Variants in TDRD1 observed in about 807,000 individuals in gnomAD.
The protein encoded by TDRD1 is tudor domain-containing protein 1.
In TDRD1, 37 loss-of-function variants were observed where a neutral mutation model predicts 140.6. That is an observed-to-expected ratio of 0.26 (90% CI 0.20 to 0.35). TDRD1 has a LOEUF of 0.35. TDRD1 is among the 10% of genes least tolerant of loss of function. The pLI, the probability that TDRD1 is intolerant of heterozygous loss-of-function variation, is 1.00. For synonymous variants in TDRD1, 506 were observed against 475.7 expected, an observed-to-expected ratio of 1.06 and a Z score of -0.83; for missense variants, 1,243 against 1,393.0, an observed-to-expected ratio of 0.89 and a Z score of 1.71.
At chr10:114,210,584 A>G in exon 12 of TDRD1, 1 of 1,588,200 alleles carries the variant, frequency 6.3e-7, no homozygotes, top group Non-Finnish European at 8.6e-7. Context: ...TGATAAGGTG[A>G]TCCTGAAGAT....
chr10:114,213,022 C>G (rs1407511732), intron 14 of TDRD1, among the ~76,000 whole-genome samples: 1 of 152,098 alleles, frequency 6.6e-6, no homozygotes, highest in Non-Finnish European at 1.5e-5. Context: ...AATGGAATTA[C>G]GTGGTTTTTG....
At chr10:114,227,024 C>A in intron 22 of TDRD1, 48 bp from the exon 23 acceptor site, 1 of 969,734 alleles carries the variant, frequency 1.0e-6, no homozygotes, top group Non-Finnish European at 1.5e-6. Flanking sequence ...TATCTAAATT[C>A]TGTCTTTTTA....
Position 114,204,699 on chromosome 10 carries a change from GTAAC to G in TDRD1, c.1126-22_1126-19del. ...CATTTTTAAATGGTAATTTTTGTAA[GTAAC>G]CTGCGTAAAATTTTTCAGGCCATAA... On this transcript the variant is annotated intron_variant, in intron 9 of 25. Transcript: ENST00000251864. 3 of 1,566,090 alleles carry G rather than the reference GTAAC, an allele frequency of 1.9e-6. No homozygotes were observed. Among genetic ancestry groups the G allele is most frequent in the Non-Finnish European group, 2.6e-6 (3 of 1,166,454 alleles).
At chr10:114,186,128 C>T (rs1256205887) in intron 1 of TDRD1, among the ~76,000 whole-genome samples, 3 of 151,930 alleles carry the variant, frequency 2.0e-5, no homozygotes, top group Non-Finnish European at 4.4e-5. Context: ...ATTAAGATTT[C>T]CTGTGATTTT....
In TDRD1 at chr10:114,204,814, G is replaced by C. The variant is rs1333121488; in HGVS notation, c.1218G>C (p.Gln406His). ...CTACTAAACCACTGTTAATGGAGCA[G>C]TACTGCTCCATAAAGATTGTCGACA... Residue 406 changes from glutamine to histidine, a missense_variant, in exon 10 of 26, where the codon CAG (glutamine) becomes CAC (histidine). Physicochemically the swap from Gln to His is conservative, Grantham distance 24. Transcript: ENST00000251864. 3 of 1,603,666 alleles carry C rather than the reference G, an allele frequency of 1.9e-6. No individual in the cohort carries two copies. The African/African-American group carries it at 4.0e-5, about 22-fold the overall frequency.
chr10:114,228,794 C>A, intron 25 of TDRD1: 3 of 985,306 alleles, frequency 3.0e-6, no homozygotes, highest in Non-Finnish European at 3.6e-6. Context: ...ATTAGAACTT[C>A]TGATCAGGGC....
At chr10:114,213,098 A>T (rs2035592077) in intron 14 of TDRD1, among the ~76,000 whole-genome samples, 1 of 152,074 alleles carries the variant, frequency 6.6e-6, no homozygotes, top group South Asian at 2.1e-4. Flanking sequence ...TAGAGATGTG[A>T]GTCTGGCCAT....
At chr10:114,206,421 A>C in intron 11 of TDRD1, 91 bp downstream of exon 11, 1 of 942,176 alleles carries the variant, frequency 1.1e-6, no homozygotes, top group East Asian at 2.6e-5. Flanking sequence ...AGCACTGTTA[A>C]GACTTGTTAA....
At chr10:114,219,578 C>G (rs1589707938) in intron 18 of TDRD1, among the ~76,000 whole-genome samples, 2 of 146,952 alleles carry the variant, frequency 1.4e-5, no homozygotes, top group South Asian at 2.1e-4. Context: ...GATTATTGTT[C>G]TTTTTTTAAT....
intron 2 of TDRD1, among the ~76,000 whole-genome samples, chr10:114,190,352 G>T (rs1050352088): frequency 1.3e-5 from 2 of 152,170 alleles, no homozygotes; most frequent in African/African-American, 2.4e-5. Context: ...CAAAAGCTGT[G>T]TAGGGTCCTC....
At chr10:114,221,801 G>T (rs965936103) in intron 20 of TDRD1, among the ~76,000 whole-genome samples, 4 of 152,194 alleles carry the variant, frequency 2.6e-5, no homozygotes, top group Non-Finnish European at 5.9e-5. Context: ...TATATCGAAA[G>T]ACTTTGTAAT....
intron 21 of TDRD1, among the ~76,000 whole-genome samples, chr10:114,224,534 T>A (rs965003581): frequency 1.3e-5 from 2 of 152,204 alleles, no homozygotes; most frequent in Non-Finnish European, 2.9e-5. Context: ...GCTTCAAGTC[T>A]TCTAATGCTG....
rs563621678 is a variant in TDRD1, at chr10:114,191,657, C to T, written c.384+638C>T. 5.9e-5 allele frequency among the ~76,000 whole-genome samples: 9 copies of T among 152,216 alleles called. No individual in the cohort carries two copies. The South Asian group carries it at 1.2e-3, about 21-fold the overall frequency. On this transcript the variant is annotated intron_variant, in intron 3 of 25. Transcript: ENST00000251864. ...CACCTGGGTTGTTTCCACTTTTTGG[C>T]GTTAAAACTAAAACTCTATATCCAT... is the stretch of plus-strand genomic sequence containing the variant.
At chr10:114,219,571 T>C (rs1029449015) in intron 18 of TDRD1, among the ~76,000 whole-genome samples, 1 of 151,360 alleles carries the variant, frequency 6.6e-6, no homozygotes, top group Non-Finnish European at 1.5e-5. Flanking sequence ...TATTTCAGAT[T>C]ATTGTTCTTT....
rs139746933 is a variant in TDRD1, at chr10:114,224,100, A to G, written c.3007+1397A>G. Among the ~76,000 whole-genome samples the G allele has an allele frequency of 4.5e-3, 685 of 152,332 alleles. 4 individuals are homozygous for G. Among genetic ancestry groups the G allele is most frequent in the Non-Finnish European group, 6.7e-3 (457 of 68,038 alleles). On this transcript the variant is annotated intron_variant, in intron 21 of 25. Coordinates refer to ENST00000251864, the Ensembl canonical transcript of TDRD1. ...AGTATTTGGGTGGATCCTGTCCTCCAGAAGCTGAGAAAAGGTGCATGTAAG... is the reference window on the plus strand; with the variant it reads ...AGTATTTGGGTGGATCCTGTCCTCCGGAAGCTGAGAAAAGGTGCATGTAAG...
chr10:114,222,952 G>A (rs1012120276), intron 21 of TDRD1, among the ~76,000 whole-genome samples: 4 of 152,098 alleles, frequency 2.6e-5, no homozygotes, highest in African/African-American at 9.7e-5. Context: ...TAACCAGCTC[G>A]AGATAACCAC....
chr10:114,176,305 C>T (rs556619620), upstream of TDRD1, among the ~76,000 whole-genome samples: 1 of 151,588 alleles, frequency 6.6e-6, no homozygotes, highest in African/African-American at 2.4e-5. The surrounding 1 kb of genome is among the most constrained non-coding windows in gnomAD (Gnocchi z 4.2). Flanking sequence ...AAAAAAAAAC[C>T]CTGCAGTTAC....
exon 23 of TDRD1, chr10:114,227,076 A>C (rs1397164994): frequency 6.8e-7 from 1 of 1,476,876 alleles, no homozygotes; most frequent in Non-Finnish European, 9.4e-7. Context: ...TTCCAGGATT[A>C]ATGGAATTGA....
exon 9 of TDRD1, chr10:114,204,105 T>A: frequency 1.2e-6 from 2 of 1,606,986 alleles, no homozygotes; most frequent in Non-Finnish European, 1.7e-6. Flanking sequence ...AAAACGTTGA[T>A]GTGCAGCAAA....
Sources: gnomAD v4.1 joint callset for allele counts (sites outside exome capture counted in the v4.1 genomes callset) on GRCh38, gnomAD v4.1.1 for gene constraint, Gnocchi (gnomAD v3.1) non-coding constraint, MANE v1.5 for transcripts, NCBI Gene and HGNC (gene_info 2026-07-23, HGNC 2026-07-21) for gene names.